TTC29: variants seen among roughly 807,000 people sequenced by gnomAD.
TTC29 encodes tetratricopeptide repeat protein 29.
Under a neutral mutation model 58.1 loss-of-function variants are expected in TTC29, and 49 were observed. The ratio of observed to expected loss-of-function variants is 0.84; its 90% CI spans 0.67 to 1.07. The LOEUF (loss-of-function observed/expected upper bound fraction) is 1.07. Among genes scored for constraint, TTC29 ranks in the 50% least tolerant of loss-of-function variants. TTC29 has a pLI of 0.00. For missense variants in TTC29, 582 were observed against 555.6 expected, an observed-to-expected ratio of 1.05 and a Z score of -0.48; for synonymous variants, 209 against 196.8, an observed-to-expected ratio of 1.06 and a Z score of -0.52.
At chr4:146,929,347 T>C (rs896399458) in intron 4 of TTC29, among the ~76,000 whole-genome samples, 3 of 151,854 alleles carry the variant, frequency 2.0e-5, no homozygotes, top group African/African-American at 7.2e-5. Context: ...GGCCCAGTCA[T>C]GCCTTGCCCT....
chr4:146,782,389 A>G (rs893926975), intron 11 of TTC29, among the ~76,000 whole-genome samples: 2 of 151,816 alleles, frequency 1.3e-5, no homozygotes, highest in East Asian at 3.8e-4. Flanking sequence ...ATTGAAATGT[A>G]TTAATTATCA....
intron 4 of TTC29, among the ~76,000 whole-genome samples, chr4:146,930,084 C>T (rs868192570): frequency 1.7e-3 from 135 of 77,402 alleles, no homozygotes; most frequent in East Asian, 6.3e-3. Context: ...TGTGTGTGTG[C>T]ATATATATAT....
At chr4:146,903,103 G>A (rs1305186230) in intron 6 of TTC29, among the ~76,000 whole-genome samples, 1 of 152,044 alleles carries the variant, frequency 6.6e-6, no homozygotes, top group Admixed American at 6.6e-5. Flanking sequence ...TAAGTATGAA[G>A]TTATTTTTAA....
Position 146,874,952 on chromosome 4 carries a change from A to G in TTC29, c.587-24T>C, listed in dbSNP as rs1050601650. ...ACCTGGAGAATAAAAGCCATTCATA[A>G]GTATAAACCAGAGGACGGAACGTAT... On this transcript the variant is annotated intron_variant, in intron 6 of 12. Coordinates refer to ENST00000325106, the MANE Select transcript of TTC29 (RefSeq NM_031956.4). 9 of 1,592,982 alleles carry G rather than the reference A, an allele frequency of 5.6e-6. No homozygotes were observed. In the Admixed American group the frequency reaches 1.2e-4, roughly 21 times the overall value.
chr4:146,752,506 C>T (rs925450545), intron 11 of TTC29, among the ~76,000 whole-genome samples: 15 of 151,748 alleles, frequency 9.9e-5, no homozygotes, highest in Admixed American at 9.2e-4. Context: ...AGTGCCATCC[C>T]CATCAAGCTA....
At chr4:146,814,137 T>C (rs953572412) in intron 10 of TTC29, among the ~76,000 whole-genome samples, 3 of 152,254 alleles carry the variant, frequency 2.0e-5, no homozygotes, top group African/African-American at 7.2e-5. Context: ...GCCAGGTTTT[T>C]TTCTAGACAC....
intron 4 of TTC29, chr4:146,934,084 G>C (rs1380554924): frequency 6.6e-6 from 1 of 152,388 alleles, no homozygotes; most frequent in Non-Finnish European, 1.5e-5. Context: ...TTCAGGTCAG[G>C]TGAAGAATGG....
At chr4:146,871,131 A>G (rs1301904873) in intron 7 of TTC29, among the ~76,000 whole-genome samples, 1 of 152,006 alleles carries the variant, frequency 6.6e-6, no homozygotes, top group Non-Finnish European at 1.5e-5. Flanking sequence ...GAAGGATTAT[A>G]CACCACGATC....
rs189813627 is a variant in TTC29, at chr4:146,814,103, C to T, written c.1101+6022G>A. On this transcript the variant is annotated intron_variant, in intron 10 of 12. Coordinates refer to ENST00000325106, the MANE Select transcript of TTC29 (RefSeq NM_031956.4). ...TTTATTTATTGGTCCAAGGAACTGACATGTTTTTGATCACCTATTCTGTGC... is the reference window on the plus strand; with the variant it reads ...TTTATTTATTGGTCCAAGGAACTGATATGTTTTTGATCACCTATTCTGTGC... Among the ~76,000 whole-genome samples the T allele has an allele frequency of 3.0e-4, 46 of 152,306 alleles. No individual in the cohort carries two copies. In the East Asian group the frequency reaches 7.5e-3, roughly 25 times the overall value.
chr4:146,820,039 G>A, intron 10 of TTC29, 86 bp downstream of exon 10: 1 of 1,537,708 alleles, frequency 6.5e-7, no homozygotes, highest in Non-Finnish European at 8.9e-7. Context: ...GGAAGACAAG[G>A]ATGACATGAG....
At chr4:146,754,236 T>C (rs116466014) in intron 11 of TTC29, among the ~76,000 whole-genome samples, 281 of 151,968 alleles carry the variant, frequency 1.8e-3, no homozygotes, top group African/African-American at 5.7e-3. Flanking sequence ...TAACCTAGAT[T>C]AAAAGGATAA....
At chr4:146,902,247 G>A (rs10033420) in intron 6 of TTC29, among the ~76,000 whole-genome samples, 2,151 of 152,122 alleles carry the variant, frequency 0.014, 43 homozygotes, top group African/African-American at 0.049. Context: ...AGAAGCTTAA[G>A]TCCAAGCTCT....
At chr4:146,915,185 T>C (rs541301113) in intron 4 of TTC29, among the ~76,000 whole-genome samples, 22 of 152,280 alleles carry the variant, frequency 1.4e-4, no homozygotes, top group African/African-American at 5.3e-4. Flanking sequence ...CAGCTCCCTC[T>C]GGTTGCAAAT....
At chr4:146,930,922 C>T (rs1213223380) in intron 4 of TTC29, among the ~76,000 whole-genome samples, 1 of 152,180 alleles carries the variant, frequency 6.6e-6, no homozygotes, top group African/African-American at 2.4e-5. Flanking sequence ...TAGAGAAGTG[C>T]ATTTTGCACT....
chr4:146,867,478 T>G lies in TTC29; in HGVS notation c.885+20A>C. ...CTAAAATAAAAATTAAAAATGGCAG[T>G]GATTAAAAGTTTAGCTTACTGTTAA... On this transcript the variant is annotated intron_variant, in intron 8 of 12. Transcript: ENST00000325106. 2 of 1,246,462 alleles carry G rather than the reference T, an allele frequency of 1.6e-6. No homozygotes were observed. Among genetic ancestry groups the G allele is most frequent in the Non-Finnish European group, 2.2e-6 (2 of 926,714 alleles). 77.2% of individuals were successfully genotyped at this position (1,246,462 alleles called of 1,614,324 possible). A position where few individuals can be genotyped will look rare whatever the true frequency, so the allele number is the denominator to read the frequency against.
intron 11 of TTC29, among the ~76,000 whole-genome samples, chr4:146,758,742 T>A (rs546824648): frequency 4.7e-4 from 72 of 152,196 alleles, no homozygotes; most frequent in Admixed American, 2.3e-3. Context: ...CAAATAAGCA[T>A]TGGGTCAAAA....
At chr4:146,810,030 T>C (rs1750905924) in intron 10 of TTC29, among the ~76,000 whole-genome samples, 1 of 152,142 alleles carries the variant, frequency 6.6e-6, no homozygotes, top group South Asian at 2.1e-4. Context: ...CCATCAATGA[T>C]AGACTGGATA....
At chr4:146,813,226 CTATAATT>C (rs1201449785) in intron 10 of TTC29, among the ~76,000 whole-genome samples, 2 of 152,172 alleles carry the variant, frequency 1.3e-5, no homozygotes, top group Non-Finnish European at 2.9e-5. Flanking sequence ...CCCATTTTCC[CTATAATT>C]TTAGCGTTGG....
intron 8 of TTC29, among the ~76,000 whole-genome samples, chr4:146,851,446 T>G (rs1217176526): frequency 1.3e-5 from 2 of 152,148 alleles, no homozygotes; most frequent in Admixed American, 6.5e-5. Context: ...AAATTAAGAT[T>G]GATGAAAAGG....
Sources: gnomAD v4.1 joint callset for allele counts (sites outside exome capture counted in the v4.1 genomes callset) on GRCh38, gnomAD v4.1.1 for gene constraint, MANE v1.5 for transcripts, NCBI Gene and HGNC (gene_info 2026-07-23, HGNC 2026-07-21) for gene names.